The following CPSF4L variants were observed in gnomAD, a reference collection of about 807,000 sequenced individuals.
CPSF4L encodes putative cleavage and polyadenylation specificity factor subunit 4-like protein.
CPSF4L carries 18 observed loss-of-function variants against 24.0 expected under a neutral mutation model. That is an observed-to-expected ratio of 0.75 (90% confidence interval 0.52 to 1.11). The LOEUF (loss-of-function observed/expected upper bound fraction) is 1.11. CPSF4L is among the 50% of genes least tolerant of loss of function. CPSF4L has a pLI of 0.00. For missense variants in CPSF4L, 211 were observed against 221.8 expected (o/e 0.95, Z 0.31); for synonymous variants, 72 against 77.2 (o/e 0.93, Z 0.35).
intron 3 of CPSF4L, 22 bp downstream of exon 3, chr17:73,257,659 C>A: frequency 6.4e-7 from 1 of 1,550,722 alleles, no homozygotes; most frequent in Non-Finnish European, 8.7e-7. Context: ...GGGTGAGGCA[C>A]CGAGCCAGGA....
chr17:73,251,401 G>T (rs898019976), intron 5 of CPSF4L, among the ~76,000 whole-genome samples: 13 of 152,130 alleles, frequency 8.5e-5, no homozygotes, highest in African/African-American at 3.1e-4. Flanking sequence ...CCAGCATCCA[G>T]TGCTCGGAGG....
At chr17:73,249,735 A>AC (rs1470155545) in intron 5 of CPSF4L, 1 of 152,136 alleles carries the variant, frequency 6.6e-6, no homozygotes, top group Non-Finnish European at 1.5e-5. Flanking sequence ...TTGTGTTACT[A>AC]CCTTACCTCC....
chr17:73,257,891 C>A, intron 2 of CPSF4L, 58 bp from the exon 3 acceptor site: 2 of 1,535,214 alleles, frequency 1.3e-6, no homozygotes, highest in South Asian at 1.2e-5. Context: ...GGGCCCAGCT[C>A]AGCCCTCCAG....
chr17:73,250,793 A>G (rs985745491), intron 5 of CPSF4L, among the ~76,000 whole-genome samples: 3 of 152,234 alleles, frequency 2.0e-5, no homozygotes, highest in Non-Finnish European at 4.4e-5. Flanking sequence ...TTCCTTTTGC[A>G]GGAACAGTCT....
rs1209698335 is a variant in CPSF4L at position 73,257,804 on chromosome 17, C to G, written c.184G>C (p.Gly62Arg). Residue 62 changes from glycine to arginine, a missense_variant, in exon 3 of 6, where the codon GGG becomes CGG. By Grantham distance (125) the Gly-to-Arg change is moderately radical (BLOSUM62 -2). Transcript: ENST00000344935. ...GKLCPFRHDR[G>R]EKMVVCKHWL... ...TGCTTGCATACCACCATCTTCTCCC[C>G]TCGGTCATGTCGGAAGGGGCAGAGT... 21 of 1,551,620 alleles carry G rather than the reference C, an allele frequency of 1.4e-5. No individual in the cohort carries two copies. The highest frequency in any genetic ancestry group is 1.8e-5 in the Non-Finnish European group (21 of 1,146,976).
chr17:73,262,047 A>C (rs1599416890), upstream of CPSF4L: 1 of 559,314 alleles, frequency 1.8e-6, no homozygotes. Flanking sequence ...AGGGCCCCTC[A>C]CCCCCACACT....
downstream of CPSF4L, among the ~76,000 whole-genome samples, chr17:73,243,671 G>A (rs1429936383): frequency 6.6e-6 from 1 of 151,842 alleles, no homozygotes; most frequent in Non-Finnish European, 1.5e-5. Flanking sequence ...TGGGACTACA[G>A]GTGTGTGTCA....
At chr17:73,248,622 T>A in intron 5 of CPSF4L, 86 bp from the exon 6 acceptor site, 4 of 1,336,804 alleles carry the variant, frequency 3.0e-6, no homozygotes, top group Non-Finnish European at 4.2e-6. Flanking sequence ...AGAGGCATGG[T>A]GACACCCAGG....
intron 3 of CPSF4L, among the ~76,000 whole-genome samples, chr17:73,254,772 T>G (rs1029322923): frequency 3.3e-5 from 5 of 152,164 alleles, no homozygotes; most frequent in African/African-American, 1.2e-4. Context: ...ACCTCCCAAG[T>G]AGCTGGGATT....
At chr17:73,242,758 A>C in the CPSF4L span, 30 of 639,234 alleles carry the variant, frequency 4.7e-5, no homozygotes, top group African/African-American at 5.5e-4. Context: ...GTTAGCCTTT[A>C]TGTGTTTAAA....
chr17:73,247,160 C>A (rs1037506754), downstream of CPSF4L: 3 of 1,287,174 alleles, frequency 2.3e-6, no homozygotes, highest in Non-Finnish European at 3.4e-6. Context: ...CTGTTTCACA[C>A]AACAACAGCA....
chr17:73,244,953 G>A (rs945791229), downstream of CPSF4L, among the ~76,000 whole-genome samples: 2 of 152,192 alleles, frequency 1.3e-5, no homozygotes, highest in Non-Finnish European at 2.9e-5. Context: ...AGAGAAAAGG[G>A]CTTTTCTTAA....
chr17:73,247,318 C>T (rs765072557), downstream of CPSF4L: 6 of 1,614,032 alleles, frequency 3.7e-6, no homozygotes, highest in Middle Eastern at 1.6e-4. Flanking sequence ...TGGGGATTGC[C>T]GCTCTAAAAC....
At position 73,249,207 on chromosome 17, in the gene CPSF4L, A is replaced by G. The variant is rs561361411; in HGVS notation, c.498-671T>C. ...AGCCTGTAGTATGTGCCATCATACT[A>G]TATATAAATTCCAACCTTGAACGGA... On this transcript the variant is annotated intron_variant, in intron 5 of 5. Coordinates refer to ENST00000344935, the MANE Select transcript of CPSF4L (RefSeq NM_001129885.1). Among the ~76,000 whole-genome samples the G allele has an allele frequency of 1.3e-4, 20 of 152,312 alleles. No homozygotes were observed. In the South Asian group the frequency reaches 1.5e-3, roughly 11 times the overall value.
intron 5 of CPSF4L, among the ~76,000 whole-genome samples, chr17:73,251,331 C>T (rs565175732): frequency 6.6e-6 from 1 of 152,292 alleles, no homozygotes; most frequent in South Asian, 2.1e-4. Flanking sequence ...CGCCTCCCAC[C>T]TTCTTTCAAA....
upstream of CPSF4L, among the ~76,000 whole-genome samples, chr17:73,263,421 T>C (rs1209379434): frequency 4.6e-5 from 7 of 152,126 alleles, no homozygotes; most frequent in Non-Finnish European, 7.4e-5. Context: ...AATAATGCGA[T>C]GGAGGCATGA....
chr17:73,252,822 G>A (rs774414124), intron 4 of CPSF4L, 99 bp from the exon 5 acceptor site: 6 of 712,360 alleles, frequency 8.4e-6, no homozygotes, highest in African/African-American at 1.8e-5. Flanking sequence ...TGGTCATAGG[G>A]GCTTCACTTA....
At chr17:73,245,571 C>A (rs1202074272), downstream of CPSF4L, 1 of 985,216 alleles carries the variant, frequency 1.0e-6, no homozygotes, top group Non-Finnish European at 1.2e-6. Context: ...ATATGAGATA[C>A]CAGACTACTA....
At chr17:73,250,992 C>T (rs780628315) in intron 5 of CPSF4L, 309 of 1,545,426 alleles carry the variant, frequency 2.0e-4, no homozygotes, top group Non-Finnish European at 2.6e-4. Context: ...CAGGCCCTGC[C>T]CTTGACCCCT....
Sources: allele counts gnomAD v4.1 joint callset (sites outside exome capture counted in the v4.1 genomes callset), GRCh38; gene constraint gnomAD v4.1.1; transcripts MANE v1.5; gene names NCBI Gene and HGNC (gene_info 2026-07-23, HGNC 2026-07-21).